MAGI2: variants seen among roughly 807,000 people sequenced by gnomAD.
MAGI2 encodes membrane associated guanylate kinase, WW and PDZ domain containing 2.
In MAGI2, 35 loss-of-function variants were observed where a neutral mutation model predicts 133.3. The observed-to-expected ratio is 0.26, with a 90% CI of 0.20 to 0.35. The LOEUF (loss-of-function observed/expected upper bound fraction) is 0.35. Ranked by LOEUF, MAGI2 falls within the 10% of genes least tolerant of loss-of-function variation. The pLI, the probability that MAGI2 is intolerant of heterozygous loss-of-function variation, is 1.00. For synonymous variants in MAGI2, 729 were observed against 710.6 expected (o/e 1.03, Z -0.41); for missense variants, 1,636 against 1,863.4 (o/e 0.88, Z 2.25).
intron 1 of MAGI2, among the ~76,000 whole-genome samples, chr7:79,226,368 C>T (rs1301315045): frequency 6.6e-6 from 1 of 151,982 alleles, no homozygotes; most frequent in Non-Finnish European, 1.5e-5. Context: ...GTTTAGGCAC[C>T]CCAATCCCCA....
intron 2 of MAGI2, among the ~76,000 whole-genome samples, chr7:78,829,434 A>G (rs1790944061): frequency 6.6e-6 from 1 of 152,062 alleles, no homozygotes; most frequent in African/African-American, 2.4e-5. Flanking sequence ...AGATTTTTTC[A>G]TGGCTCAATT....
intron 1 of MAGI2, among the ~76,000 whole-genome samples, chr7:79,171,367 G>A (rs1331603442): frequency 6.6e-6 from 1 of 151,788 alleles, no homozygotes; most frequent in Non-Finnish European, 1.5e-5. Context: ...TTGGAATTAG[G>A]GGTCTACTCT....
chr7:78,864,063 C>T (rs1191879625), intron 2 of MAGI2, among the ~76,000 whole-genome samples: 3 of 152,210 alleles, frequency 2.0e-5, no homozygotes, highest in Non-Finnish European at 4.4e-5. Context: ...ATTCAATCTT[C>T]ATAATTTCAG....
chr7:78,891,806 T>A (rs567936560), intron 2 of MAGI2, among the ~76,000 whole-genome samples: 2 of 152,310 alleles, frequency 1.3e-5, no homozygotes, highest in Non-Finnish European at 2.9e-5. Flanking sequence ...GCATTCCCTT[T>A]GAAAACTTGC....
intron 21 of MAGI2, among the ~76,000 whole-genome samples, chr7:78,068,982 G>A (rs577708716): frequency 8.5e-5 from 13 of 152,182 alleles, no homozygotes; most frequent in Non-Finnish European, 1.6e-4. Context: ...TGAGAGGTTC[G>A]AAGCCTTTTC....
intron 20 of MAGI2, among the ~76,000 whole-genome samples, chr7:78,118,606 C>A (rs1820113253): frequency 6.6e-6 from 1 of 152,142 alleles, no homozygotes; most frequent in South Asian, 2.1e-4. Context: ...AAAGATGCTC[C>A]ACATCATATG....
chr7:78,115,803 T>C (rs1480982962), intron 20 of MAGI2, among the ~76,000 whole-genome samples: 4 of 152,142 alleles, frequency 2.6e-5, no homozygotes, highest in Non-Finnish European at 5.9e-5. Flanking sequence ...CTGGGCAACA[T>C]TGTGAGGCCC....
intron 6 of MAGI2, among the ~76,000 whole-genome samples, chr7:78,410,225 G>C (rs906196234): frequency 4.6e-5 from 7 of 152,084 alleles, no homozygotes; most frequent in Non-Finnish European, 1.0e-4. Flanking sequence ...ATAGGAAATA[G>C]TTGGCGAAGA....
At chr7:78,860,169 T>C (rs1313838615) in intron 2 of MAGI2, among the ~76,000 whole-genome samples, 1 of 152,210 alleles carries the variant, frequency 6.6e-6, no homozygotes, top group Non-Finnish European at 1.5e-5. Context: ...TTTAGCTTCT[T>C]TGCTATGGGT....
chr7:78,848,675 C>T (rs535590535), intron 2 of MAGI2, among the ~76,000 whole-genome samples: 34 of 151,986 alleles, frequency 2.2e-4, no homozygotes, highest in Non-Finnish European at 3.4e-4. Flanking sequence ...CTGTCAACCC[C>T]AAGCTTAGTC....
At chr7:78,674,179 G>T (rs976062582) in intron 2 of MAGI2, among the ~76,000 whole-genome samples, 2 of 150,932 alleles carry the variant, frequency 1.3e-5, no homozygotes, top group Admixed American at 6.6e-5. Context: ...GCTTTTTTTT[G>T]CATAGTGCTA....
At chr7:78,833,199 T>C (rs535337728) in intron 2 of MAGI2, among the ~76,000 whole-genome samples, 29 of 152,312 alleles carry the variant, frequency 1.9e-4, no homozygotes, top group South Asian at 8.3e-4. Context: ...TGTTAGAAAT[T>C]ACTGATGCAC....
At chr7:79,361,546 C>T (rs1015966466) in intron 1 of MAGI2, among the ~76,000 whole-genome samples, 13 of 152,130 alleles carry the variant, frequency 8.5e-5, no homozygotes, top group African/African-American at 2.2e-4. Context: ...ACACAGGCAG[C>T]TGGATGTCAT....
intron 2 of MAGI2, among the ~76,000 whole-genome samples, chr7:78,747,522 C>T (rs564549756): frequency 2.0e-5 from 3 of 150,656 alleles, no homozygotes; most frequent in Admixed American, 2.0e-4. Context: ...TCGACTAAAC[C>T]AGAAAAAAAA....
At chr7:79,218,912 A>G (rs1436293688) in intron 1 of MAGI2, among the ~76,000 whole-genome samples, 2 of 152,130 alleles carry the variant, frequency 1.3e-5, no homozygotes, top group Non-Finnish European at 2.9e-5. Flanking sequence ...CATAAGTAAC[A>G]TTCCTTTTAG....
At chr7:79,384,085 C>A (rs1315397184) in intron 1 of MAGI2, among the ~76,000 whole-genome samples, 2 of 149,494 alleles carry the variant, frequency 1.3e-5, no homozygotes. Flanking sequence ...AAAAGAGAAA[C>A]CCAATGTATT....
At chr7:79,308,870 G>C (rs2129560412) in intron 1 of MAGI2, among the ~76,000 whole-genome samples, 1 of 152,140 alleles carries the variant, frequency 6.6e-6, no homozygotes, top group East Asian at 1.9e-4. Context: ...ACAGCAATGA[G>C]AATAAAATGC....
At chr7:79,052,163 G>C (rs927242238) in intron 1 of MAGI2, among the ~76,000 whole-genome samples, 2 of 152,092 alleles carry the variant, frequency 1.3e-5, no homozygotes, top group Non-Finnish European at 2.9e-5. Flanking sequence ...TGCTAAGTGT[G>C]AACCATAATG....
At chr7:79,311,920 C>T (rs542656707) in intron 1 of MAGI2, among the ~76,000 whole-genome samples, 75 of 152,182 alleles carry the variant, frequency 4.9e-4, no homozygotes, top group African/African-American at 1.7e-3. Flanking sequence ...GTTAGCAAAT[C>T]CTTTGTCCCT....
Sources: gnomAD v4.1 joint callset for allele counts (sites outside exome capture counted in the v4.1 genomes callset) on GRCh38, gnomAD v4.1.1 for gene constraint, MANE v1.5 for transcripts, NCBI Gene and HGNC (gene_info 2026-07-23, HGNC 2026-07-21) for gene names.